STK32B: variants seen among roughly 807,000 people sequenced by gnomAD.
The protein encoded by STK32B is serine/threonine kinase 32B.
STK32B carries 43 observed loss-of-function variants against 52.6 expected under a neutral mutation model. That is an observed-to-expected ratio of 0.82 (90% CI 0.64 to 1.05). The LOEUF (loss-of-function observed/expected upper bound fraction) is 1.05, where lower values mean the gene tolerates loss of function less well. Ranked by LOEUF, STK32B falls within the 50% of genes least tolerant of loss-of-function variation. STK32B has a pLI of 0.00. For synonymous variants in STK32B, 238 were observed against 204.3 expected, an observed-to-expected ratio of 1.17 and a Z score of -1.41; for missense variants, 621 against 534.6, an observed-to-expected ratio of 1.16 and a Z score of -1.59.
intron 11 of STK32B, among the ~76,000 whole-genome samples, chr4:5,474,775 G>C (rs1419825612): frequency 6.6e-6 from 1 of 152,158 alleles, no homozygotes; most frequent in Non-Finnish European, 1.5e-5. Context: ...CCTTGAGATT[G>C]TATCCGTAGG....
chr4:5,166,007 C>T (rs3806723), intron 2 of STK32B, among the ~76,000 whole-genome samples: 32,291 of 151,972 alleles, frequency 0.21, 3,839 homozygotes, highest in East Asian at 0.28. Flanking sequence ...CAGAAATATG[C>T]GGAGACTGAG....
At chr4:5,122,183 TTCAC>T (rs1715065239) in intron 1 of STK32B, among the ~76,000 whole-genome samples, 1 of 149,810 alleles carries the variant, frequency 6.7e-6, no homozygotes, top group African/African-American at 2.6e-5. Flanking sequence ...TCTTCACTCC[TTCAC>T]TCACTCATTC....
chr4:5,175,138 G>T (rs1719739220), intron 3 of STK32B, among the ~76,000 whole-genome samples: 1 of 152,164 alleles, frequency 6.6e-6, no homozygotes, highest in Non-Finnish European at 1.5e-5. Context: ...TCGTGCCGTG[G>T]TTTTCAGCTC....
chr4:5,274,903 A>T (rs1727710719), intron 3 of STK32B, among the ~76,000 whole-genome samples: 1 of 151,924 alleles, frequency 6.6e-6, no homozygotes, highest in African/African-American at 2.4e-5. Context: ...GCCCATTGCC[A>T]CTCCTGATCG....
At chr4:5,258,047 A>G (rs1560266538) in intron 3 of STK32B, among the ~76,000 whole-genome samples, 1 of 152,360 alleles carries the variant, frequency 6.6e-6, no homozygotes, top group East Asian at 1.9e-4. Context: ...GACTTGGCTC[A>G]GTTACTTCAC....
At chr4:5,276,239 A>G (rs1727813895) in intron 3 of STK32B, among the ~76,000 whole-genome samples, 1 of 152,154 alleles carries the variant, frequency 6.6e-6, no homozygotes, top group African/African-American at 2.4e-5. Flanking sequence ...CAGTGAGCCA[A>G]GATTGCACCA....
At chr4:5,086,106 T>A (rs1712718690) in intron 1 of STK32B, among the ~76,000 whole-genome samples, 1 of 152,182 alleles carries the variant, frequency 6.6e-6, no homozygotes, top group Non-Finnish European at 1.5e-5. Context: ...TAAAAAGCTT[T>A]AGAAGAAATG....
intron 6 of STK32B, among the ~76,000 whole-genome samples, chr4:5,442,807 C>A (rs1714922370): frequency 6.6e-6 from 1 of 152,186 alleles, no homozygotes; most frequent in South Asian, 2.1e-4. Flanking sequence ...CTGGTGGTGA[C>A]ACAATCTCTC....
chr4:5,062,487 AC>A (rs1742253119), intron 1 of STK32B, among the ~76,000 whole-genome samples: 1 of 152,106 alleles, frequency 6.6e-6, no homozygotes, highest in Non-Finnish European at 1.5e-5. Context: ...CCTAAACATT[AC>A]AATGTTTAGT....
intron 2 of STK32B, among the ~76,000 whole-genome samples, chr4:5,165,533 A>G (rs1718804037): frequency 6.6e-6 from 1 of 152,194 alleles, no homozygotes; most frequent in Admixed American, 6.5e-5. Context: ...GCCAGCTGAC[A>G]GCCAGGTCCC....
intron 4 of STK32B, among the ~76,000 whole-genome samples, chr4:5,374,303 G>C (rs1349501644): frequency 6.6e-6 from 1 of 152,172 alleles, no homozygotes; most frequent in African/African-American, 2.4e-5. Flanking sequence ...GCTTTATCTG[G>C]AAATCATCTG....
At chr4:5,298,048 G>A (rs1729318740) in intron 3 of STK32B, among the ~76,000 whole-genome samples, 1 of 152,112 alleles carries the variant, frequency 6.6e-6, no homozygotes, top group Non-Finnish European at 1.5e-5. Context: ...CCCCTCTTCT[G>A]CAGGTCTGCT....
Position 5,460,568 on chromosome 4 carries a change from A to G in STK32B, c.909+340A>G, listed in dbSNP as rs550597602. On this transcript the variant is annotated intron_variant, in intron 9 of 11. Coordinates refer to ENST00000282908, the MANE Select transcript of STK32B (RefSeq NM_018401.3). This position sits in a 1 kb window ranked among gnomAD's most constrained non-coding sequence, Gnocchi z 4.8. ...ACTGCCGAGTAGAGGAAGACAGGCA[A>G]TGACCTACCCCGACAGGGCAGTCAG... 2.6e-5 allele frequency among the ~76,000 whole-genome samples: 4 copies of G among 152,290 alleles called. No homozygotes were observed. In the East Asian group the frequency reaches 7.7e-4, roughly 29 times the overall value.
At chr4:5,174,594 G>A (rs905127508) in intron 3 of STK32B, among the ~76,000 whole-genome samples, 3 of 152,172 alleles carry the variant, frequency 2.0e-5, no homozygotes, top group African/African-American at 7.2e-5. Flanking sequence ...ATTCTGGGTT[G>A]AAAATTCTTT....
In STK32B at chr4:5,481,446, G is replaced by A. The variant is rs565533968; in HGVS notation, c.1106+13376G>A. ...GATAGGGTTGTTTGTTTTTTTTCTT[G>A]TAAATTTGTTTGAGTTCATTGTAGA... On this transcript the variant is annotated intron_variant, in intron 11 of 11. Coordinates refer to ENST00000282908, the MANE Select transcript of STK32B (RefSeq NM_018401.3). Among the ~76,000 whole-genome samples the A allele has an allele frequency of 3.7e-4, 56 of 151,920 alleles. No homozygotes were observed. The Middle Eastern group carries it at 0.014, about 37-fold the overall frequency.
rs544689860 is a variant in STK32B, at chr4:5,407,791, G to C, written c.473-9054G>C. 1.0e-3 allele frequency among the ~76,000 whole-genome samples: 157 copies of C among 152,150 alleles called. 1 individual carries two copies. Among genetic ancestry groups the C allele is most frequent in the African/African-American group, 3.6e-3 (150 of 41,450 alleles). ...CCACCAGGTCCCTCTTCCAACACTG[G>C]TGATTACAATTGTCCCTCTTCCAAC... On this transcript the variant is annotated intron_variant, in intron 5 of 11. Coordinates refer to ENST00000282908, the MANE Select transcript of STK32B (RefSeq NM_018401.3).
chr4:5,212,527 A>G (rs1431751214), intron 3 of STK32B, among the ~76,000 whole-genome samples: 1 of 152,208 alleles, frequency 6.6e-6, no homozygotes, highest in Non-Finnish European at 1.5e-5. Context: ...GTTTTCCTGC[A>G]GAAGCACCCC....
chr4:5,183,733 T>G (rs1302179449), intron 3 of STK32B, among the ~76,000 whole-genome samples: 1 of 152,194 alleles, frequency 6.6e-6, no homozygotes, highest in Admixed American at 6.5e-5. Flanking sequence ...AGCAAGATAT[T>G]CTAAGTAACT....
chr4:5,142,145 C>G (rs189924218), intron 2 of STK32B, among the ~76,000 whole-genome samples: 111 of 152,298 alleles, frequency 7.3e-4, no homozygotes, highest in African/African-American at 2.1e-3. Context: ...CACTAACTAT[C>G]CTTGTGCTTG....
Sources: allele counts gnomAD v4.1 joint callset (sites outside exome capture counted in the v4.1 genomes callset), GRCh38; gene constraint gnomAD v4.1.1; non-coding constraint Gnocchi (gnomAD v3.1); transcripts MANE v1.5; gene names NCBI Gene and HGNC (gene_info 2026-07-23, HGNC 2026-07-21).